SPOCK3: variants seen among roughly 807,000 people sequenced by gnomAD.
SPOCK3 encodes the protein SPARC (osteonectin), cwcv and kazal like domains proteoglycan 3, also known as testican-3.
Under a neutral mutation model 56.6 loss-of-function variants are expected in SPOCK3, and 30 were observed. That is an observed-to-expected ratio of 0.53 (90% CI 0.40 to 0.72). SPOCK3 has a LOEUF of 0.72. Ranked by LOEUF, SPOCK3 falls within the 30% of genes least tolerant of loss-of-function variation. The pLI is 0.00. For synonymous variants in SPOCK3, 196 were observed against 183.3 expected, an observed-to-expected ratio of 1.07 and a Z score of -0.56; for missense variants, 527 against 530.0, an observed-to-expected ratio of 0.99 and a Z score of 0.06.
chr4:166,945,532 T>G (rs74940067), intron 4 of SPOCK3, among the ~76,000 whole-genome samples: 1,773 of 152,276 alleles, frequency 0.012, 38 homozygotes, highest in African/African-American at 0.041. Context: ...GCCTACAGCT[T>G]CACACTGATT....
intron 7 of SPOCK3, among the ~76,000 whole-genome samples, chr4:166,764,264 A>G (rs1311504135): frequency 6.6e-6 from 1 of 152,124 alleles, no homozygotes; most frequent in Non-Finnish European, 1.5e-5. Flanking sequence ...ATATGTATAC[A>G]TGTACCATGT....
In SPOCK3 at chr4:167,055,450, G is replaced by A. The variant is rs10013127; in HGVS notation, c.235+7042C>T. 1.6e-4 allele frequency among the ~76,000 whole-genome samples: 24 copies of A among 152,198 alleles called. No homozygotes were observed. The South Asian group carries it at 4.1e-3, about 26-fold the overall frequency. ...CACTAGGGAGTGCCAGACAGTGGGC[G>A]CAGGACAGTGGGTGCAGCACACCGT... is the stretch of plus-strand genomic sequence containing the variant. On this transcript the variant is annotated intron_variant, in intron 3 of 10. Coordinates refer to ENST00000357545, the MANE Select transcript of SPOCK3 (RefSeq NM_001040159.2).
At chr4:166,996,593 C>T (rs528128180) in intron 4 of SPOCK3, among the ~76,000 whole-genome samples, 1 of 152,244 alleles carries the variant, frequency 6.6e-6, no homozygotes, top group East Asian at 1.9e-4. Context: ...AGCTAAAGTT[C>T]CTTCTCATTA....
At chr4:167,233,037 C>T (rs574760108) in intron 2 of SPOCK3, among the ~76,000 whole-genome samples, 1 of 152,174 alleles carries the variant, frequency 6.6e-6, no homozygotes, top group Non-Finnish European at 1.5e-5. Flanking sequence ...GAACCACTCT[C>T]GCTCCAGTTC....
Position 167,113,357 on chromosome 4 carries a change from G to A in SPOCK3, c.190-50820C>T, listed in dbSNP as rs1042171721. ...TATGAGTATGCACTTGGCATGGCAG[G>A]AGGGTTCTTCTTACAATTTTTTTTT... On this transcript the variant is annotated intron_variant, in intron 2 of 10. Transcript: ENST00000357545. 2.0e-5 allele frequency among the ~76,000 whole-genome samples: 3 copies of A among 148,882 alleles called. No homozygotes were observed. In the South Asian group the frequency reaches 6.3e-4, roughly 31 times the overall value.
At chr4:167,186,929 A>G (rs1393710010) in intron 2 of SPOCK3, among the ~76,000 whole-genome samples, 2 of 148,542 alleles carry the variant, frequency 1.3e-5, no homozygotes, top group Middle Eastern at 3.2e-3. Context: ...GTGAGCCGAG[A>G]TCGTGCCACT....
intron 7 of SPOCK3, among the ~76,000 whole-genome samples, chr4:166,791,858 C>A (rs1351008417): frequency 6.6e-6 from 1 of 152,066 alleles, no homozygotes; most frequent in Non-Finnish European, 1.5e-5. Context: ...CAATTTTTTA[C>A]CTTTACTTTC....
At chr4:166,915,048 C>T (rs1308507936) in intron 4 of SPOCK3, among the ~76,000 whole-genome samples, 3 of 151,834 alleles carry the variant, frequency 2.0e-5, no homozygotes, top group East Asian at 1.9e-4. Context: ...AATATAATCA[C>T]CAACAATATA....
intron 6 of SPOCK3, among the ~76,000 whole-genome samples, chr4:166,877,352 A>G (rs548058366): frequency 3.2e-4 from 49 of 152,248 alleles, no homozygotes; most frequent in African/African-American, 9.1e-4. Context: ...CTTTGGGTAA[A>G]TTCTGTTATT....
intron 4 of SPOCK3, among the ~76,000 whole-genome samples, chr4:166,990,325 T>C (rs1420311119): frequency 6.6e-6 from 1 of 152,114 alleles, no homozygotes; most frequent in Non-Finnish European, 1.5e-5. Context: ...AAAAATGTTC[T>C]TACATGTATA....
At chr4:166,994,559 G>A (rs1748157003) in intron 4 of SPOCK3, among the ~76,000 whole-genome samples, 1 of 152,058 alleles carries the variant, frequency 6.6e-6, no homozygotes, top group African/African-American at 2.4e-5. Context: ...AGATTATAAA[G>A]GACCACGAGA....
intron 4 of SPOCK3, among the ~76,000 whole-genome samples, chr4:166,921,926 G>A (rs150558008): frequency 1.2e-3 from 181 of 151,972 alleles, no homozygotes; most frequent in African/African-American, 4.0e-3. Flanking sequence ...GCTCATAAAC[G>A]TACAACGGGG....
chr4:167,088,925 T>A (rs968482154), intron 2 of SPOCK3, among the ~76,000 whole-genome samples: 6 of 152,282 alleles, frequency 3.9e-5, no homozygotes, highest in African/African-American at 1.4e-4. Flanking sequence ...TATGTTCCCA[T>A]ACAATAAAGA....
intron 2 of SPOCK3, among the ~76,000 whole-genome samples, chr4:167,068,418 T>G (rs1177937357): frequency 6.6e-6 from 1 of 151,770 alleles, no homozygotes; most frequent in Non-Finnish European, 1.5e-5. Flanking sequence ...TAATATGCCT[T>G]TAAAAATGGC....
intron 4 of SPOCK3, among the ~76,000 whole-genome samples, chr4:166,940,652 T>A (rs893229043): frequency 6.6e-6 from 1 of 151,196 alleles, no homozygotes. Context: ...TAATGAGATA[T>A]GTGAAATATG....
At chr4:167,221,449 G>T (rs1388982221) in intron 2 of SPOCK3, among the ~76,000 whole-genome samples, 9 of 152,158 alleles carry the variant, frequency 5.9e-5, no homozygotes, top group Admixed American at 5.9e-4. Flanking sequence ...GTGGTCAACT[G>T]TTAATTTTAA....
At chr4:166,864,943 A>G (rs2126923445) in intron 6 of SPOCK3, among the ~76,000 whole-genome samples, 2 of 152,290 alleles carry the variant, frequency 1.3e-5, no homozygotes, top group South Asian at 4.1e-4. Flanking sequence ...TGAGGCCAGC[A>G]TCACCCTGAT....
At chr4:166,811,833 T>G (rs1743841037) in intron 6 of SPOCK3, among the ~76,000 whole-genome samples, 1 of 151,920 alleles carries the variant, frequency 6.6e-6, no homozygotes, top group South Asian at 2.1e-4. Context: ...TGAAAGAAGC[T>G]TTTAGTATTT....
At chr4:167,073,854 C>T (rs1052811714) in intron 2 of SPOCK3, among the ~76,000 whole-genome samples, 1 of 151,784 alleles carries the variant, frequency 6.6e-6, no homozygotes, top group Non-Finnish European at 1.5e-5. Flanking sequence ...TCATTCTTAT[C>T]TAAAAGATTT....
Sources: allele counts gnomAD v4.1 joint callset (sites outside exome capture counted in the v4.1 genomes callset), GRCh38; gene constraint gnomAD v4.1.1; transcripts MANE v1.5; gene names NCBI Gene and HGNC (gene_info 2026-07-23, HGNC 2026-07-21).